RHOA: variants seen among roughly 807,000 people sequenced by gnomAD.
RHOA encodes ras homolog family member A.
Under a neutral mutation model 17.5 loss-of-function variants are expected in RHOA, and 3 were observed. The observed-to-expected ratio is 0.17, with a 90% CI of 0.08 to 0.44. RHOA has a LOEUF of 0.44. RHOA is among the 20% of genes least tolerant of loss of function. The pLI is 0.99. For missense variants in RHOA, 56 were observed against 242.3 expected, an observed-to-expected ratio of 0.23 and a Z score of 5.10; for synonymous variants, 98 against 88.4, an observed-to-expected ratio of 1.11 and a Z score of -0.61.
intron 1 of RHOA, among the ~76,000 whole-genome samples, chr3:49,395,302 G>C (rs2048595898): frequency 6.6e-6 from 1 of 152,048 alleles, no homozygotes; most frequent in East Asian, 1.9e-4. Flanking sequence ...AGGGTGGAAA[G>C]ATGGGGCGAT....
rs751455504 is a variant in RHOA, at chr3:49,393,876, A to ATT, written c.-3+17942_-3+17943dup. Among the ~76,000 whole-genome samples the ATT allele has an allele frequency of 1.4e-3, 189 of 136,788 alleles. 1 individual carries two copies. The highest frequency in any genetic ancestry group is 2.5e-3 in the Non-Finnish European group (156 of 63,634). 89.7% of individuals were successfully genotyped at this position (136,788 alleles called of 152,430 possible). On this transcript the variant is annotated intron_variant, in intron 1 of 4. Transcript: ENST00000418115. ...AGGCATGCACCACTACGCCTGGCTA[A>ATT]TTTTTTTTTTTTTGAGATGGAGTCT...
At chr3:49,368,365 C>A in intron 3 of RHOA, 63 bp downstream of exon 3, 1 of 1,579,662 alleles carries the variant, frequency 6.3e-7, no homozygotes, top group South Asian at 1.1e-5. Context: ...ACTTGATGCC[C>A]AGAAACCAGA....
At chr3:49,399,286 C>A (rs1265886580) in intron 1 of RHOA, among the ~76,000 whole-genome samples, 1 of 151,100 alleles carries the variant, frequency 6.6e-6, no homozygotes, top group Non-Finnish European at 1.5e-5. Context: ...AAGAGAATGA[C>A]GTGAACCTGG....
intron 1 of RHOA, among the ~76,000 whole-genome samples, chr3:49,407,232 GTTTTTTTTTTTTTTTT>G (rs61556875): frequency 5.7e-5 from 4 of 70,020 alleles, no homozygotes; most frequent in Non-Finnish European, 1.0e-4. Flanking sequence ...AATCCTTTCC[GTTTTTTTTTTTTTTTT>G]TTTTTTTTTG....
chr3:49,405,151 A>C (rs965286832), intron 1 of RHOA, among the ~76,000 whole-genome samples: 1 of 144,348 alleles, frequency 6.9e-6, no homozygotes, highest in Non-Finnish European at 1.5e-5. Context: ...TCAGCTACTC[A>C]GGAGGCTGAG....
chr3:49,405,686 T>G (rs1381667575), intron 1 of RHOA, among the ~76,000 whole-genome samples: 1 of 152,136 alleles, frequency 6.6e-6, no homozygotes, highest in Admixed American at 6.6e-5. Context: ...TTTCTTTCCT[T>G]CTTTTTTTTG....
At chr3:49,375,931 T>G (rs1210739472) in intron 1 of RHOA, among the ~76,000 whole-genome samples, 4 of 151,838 alleles carry the variant, frequency 2.6e-5, no homozygotes, top group African/African-American at 9.7e-5. Flanking sequence ...CACTGCAACC[T>G]CCAGCCTCCC....
At chr3:49,384,649 G>A (rs1474191478) in intron 1 of RHOA, among the ~76,000 whole-genome samples, 1 of 151,958 alleles carries the variant, frequency 6.6e-6, no homozygotes, top group Non-Finnish European at 1.5e-5. Flanking sequence ...TAGGAGTACA[G>A]GCACACACAC....
In RHOA at chr3:49,375,443, A is replaced by G; in HGVS notation, c.147T>C (p.Asp49=). 6.2e-7 allele frequency: 1 copy of G among 1,610,458 alleles called. No individual in the cohort carries two copies. The highest frequency in any genetic ancestry group is 2.2e-5 in the East Asian group (1 of 44,806). ...FENYVADIEV[D]GKQVELALWD... is the part of the protein sequence containing the mutation. ...TGAAAAGTATACTCACCTGCTTTCCATCCACCTCGATATCTGCCACATAGT... is the reference window on the plus strand; with the variant it reads ...TGAAAAGTATACTCACCTGCTTTCCGTCCACCTCGATATCTGCCACATAGT... Residue 49 remains aspartate, a synonymous_variant, in exon 2 of 5, where the codon GAT becomes GAC. Transcript: ENST00000418115.
chr3:49,379,461 C>T (rs2048283747), intron 1 of RHOA, among the ~76,000 whole-genome samples: 1 of 152,070 alleles, frequency 6.6e-6, no homozygotes, highest in East Asian at 1.9e-4. Context: ...GTGGTGATGG[C>T]TGCACAACTC....
intron 3 of RHOA, among the ~76,000 whole-genome samples, chr3:49,364,339 G>C (rs943703840): frequency 1.3e-5 from 2 of 152,026 alleles, no homozygotes; most frequent in Non-Finnish European, 2.9e-5. Context: ...TACAAAATTA[G>C]CTGGGCGTGG....
At chr3:49,364,522 A>C (rs1284153513) in intron 3 of RHOA, among the ~76,000 whole-genome samples, 2 of 149,584 alleles carry the variant, frequency 1.3e-5, no homozygotes, top group African/African-American at 4.9e-5. Context: ...TTAACTGGGC[A>C]TGGTGGTGCA....
At chr3:49,382,191 C>T (rs974472510) in intron 1 of RHOA, among the ~76,000 whole-genome samples, 5 of 151,126 alleles carry the variant, frequency 3.3e-5, no homozygotes, top group African/African-American at 1.2e-4. Context: ...TCGTGAAGGG[C>T]GCCTGTAGTT....
rs971174359 is a variant in RHOA at position 49,365,479 on chromosome 3, T to C, written c.278-2853A>G. ...TTCTGTTAGTAGGTGCTGTAGTTAT[T>C]TCCTGAATATGTGAAATTATACCAA... On this transcript the variant is annotated intron_variant, in intron 3 of 4. Coordinates refer to ENST00000418115, the MANE Select transcript of RHOA (RefSeq NM_001664.4). Among the ~76,000 whole-genome samples the C allele has an allele frequency of 2.6e-5, 4 of 152,062 alleles. No individual in the cohort carries two copies. The South Asian group carries it at 8.3e-4, about 32-fold the overall frequency.
intron 1 of RHOA, among the ~76,000 whole-genome samples, chr3:49,408,857 A>G (rs1230275419): frequency 6.7e-6 from 1 of 150,252 alleles, no homozygotes; most frequent in Non-Finnish European, 1.5e-5. Context: ...CAGTGGCGCG[A>G]TCTCAGCTCA....
In RHOA at chr3:49,371,118, G is replaced by A. The variant is rs543265470; in HGVS notation, c.157-2570C>T. ...CTCCCGGCCCCCTCCACCCCACGGT[G>A]TTTAGTCATATATCCAGCCTCTATT... On this transcript the variant is annotated intron_variant, in intron 2 of 4. Transcript: ENST00000418115. 2.0e-5 allele frequency among the ~76,000 whole-genome samples: 3 copies of A among 152,054 alleles called. No individual in the cohort carries two copies. In the South Asian group the frequency reaches 6.2e-4, roughly 31 times the overall value.
At chr3:49,385,733 T>C (rs2048386581) in intron 1 of RHOA, among the ~76,000 whole-genome samples, 1 of 152,132 alleles carries the variant, frequency 6.6e-6, no homozygotes, top group Non-Finnish European at 1.5e-5. Context: ...CTTTAGGCCT[T>C]TGATTCATTT....
intron 1 of RHOA, among the ~76,000 whole-genome samples, chr3:49,387,462 G>T (rs1206809309): frequency 1.2e-5 from 1 of 83,814 alleles, no homozygotes; most frequent in Non-Finnish European, 2.5e-5. Context: ...AAAAAAAAAA[G>T]GGTCGGGCGC....
intron 1 of RHOA, among the ~76,000 whole-genome samples, chr3:49,382,357 G>T (rs1421687521): frequency 1.3e-5 from 2 of 151,756 alleles, no homozygotes; most frequent in Admixed American, 1.3e-4. Flanking sequence ...AATAGACACT[G>T]GGCGTGGTGG....
Sources: gnomAD v4.1 joint callset for allele counts (sites outside exome capture counted in the v4.1 genomes callset) on GRCh38, gnomAD v4.1.1 for gene constraint, MANE v1.5 for transcripts, NCBI Gene and HGNC (gene_info 2026-07-23, HGNC 2026-07-21) for gene names.